The following MPHOSPH8 variants were observed in gnomAD, a reference collection of about 807,000 sequenced individuals.
The protein encoded by MPHOSPH8 is M-phase phosphoprotein 8, also known as M-phase phosphoprotein, mpp.
Under a neutral mutation model 87.3 loss-of-function variants are expected in MPHOSPH8, and 45 were observed. The observed-to-expected ratio is 0.52, with a 90% CI of 0.41 to 0.66. The LOEUF (loss-of-function observed/expected upper bound fraction) is 0.66, where lower values mean the gene tolerates loss of function less well. Ranked by LOEUF, MPHOSPH8 falls within the 30% of genes least tolerant of loss-of-function variation. The pLI, the probability that MPHOSPH8 is intolerant of heterozygous loss-of-function variation, is 0.00. For synonymous variants in MPHOSPH8, 366 were observed against 376.9 expected (o/e 0.97, Z 0.33); for missense variants, 883 against 1,020.2 (o/e 0.87, Z 1.83).
chr13:19,642,579 C>T (rs1184060434), intron 2 of MPHOSPH8, among the ~76,000 whole-genome samples: 1 of 151,824 alleles, frequency 6.6e-6, no homozygotes, highest in Non-Finnish European at 1.5e-5. Context: ...TTTGTTCGTC[C>T]GTGACATGAG....
chr13:19,668,488 T>TTCAACAGATTTC lies in MPHOSPH8; in HGVS notation c.2287_2298dup (p.Ser763_Phe766dup). ...ATCGACTCTGTGAGGGTCCAGATTT[T>TTCAACAGATTTC]TCAACAGATTTCAATTACAAACCCC... is the stretch of plus-strand genomic sequence containing the variant. On this transcript the variant is annotated inframe_insertion, in exon 11 of 14. Transcript: ENST00000361479. 6.2e-7 allele frequency: 1 copy of TTCAACAGATTTC among 1,614,168 alleles called. No homozygotes were observed. Among genetic ancestry groups the TTCAACAGATTTC allele is most frequent in the African/African-American group, 1.3e-5 (1 of 75,028 alleles).
Position 19,650,061 on chromosome 13 carries a change from T to C in MPHOSPH8, c.1377T>C (p.Asn459=), listed in dbSNP as rs1458194402. Residue 459 remains asparagine, a synonymous_variant, in exon 5 of 14, where the codon AAT becomes AAC. Coordinates refer to ENST00000361479, the MANE Select transcript of MPHOSPH8 (RefSeq NM_017520.4). Reference sequence around the variant, plus strand: ...TTAAATTAACTCCAGAAGAAAAAAATGATGTTTCTGAGAATAATCGGAAAA... The same window carrying C: ...TTAAATTAACTCCAGAAGAAAAAAACGATGTTTCTGAGAATAATCGGAAAA... ...DLFKLTPEEK[N]DVSENNRKRE... 6.2e-7 allele frequency: 1 copy of C among 1,609,364 alleles called. No individual in the cohort carries two copies. Among genetic ancestry groups the C allele is most frequent in the Non-Finnish European group, 8.5e-7 (1 of 1,178,110 alleles).
chr13:19,642,518 A>C (rs1209658256), intron 2 of MPHOSPH8, among the ~76,000 whole-genome samples: 2 of 152,154 alleles, frequency 1.3e-5, no homozygotes, highest in Non-Finnish European at 2.9e-5. Context: ...ATTTTCCTTT[A>C]AGTTAAGAGT....
At chr13:19,635,380 T>G (rs1380786981) in intron 1 of MPHOSPH8, among the ~76,000 whole-genome samples, 4 of 151,972 alleles carry the variant, frequency 2.6e-5, no homozygotes, top group African/African-American at 9.7e-5. Context: ...ATACAAAAAT[T>G]AGCTGGGCGA....
chr13:19,634,704 AC>A (rs1336711455), intron 1 of MPHOSPH8, among the ~76,000 whole-genome samples: 3 of 151,896 alleles, frequency 2.0e-5, no homozygotes, highest in Non-Finnish European at 4.4e-5. Context: ...TTTTGTATTG[AC>A]CTCTATGAAG....
At chr13:19,634,529 C>G (rs1873885381) in intron 1 of MPHOSPH8, among the ~76,000 whole-genome samples, 1 of 152,140 alleles carries the variant, frequency 6.6e-6, no homozygotes, top group Non-Finnish European at 1.5e-5. Context: ...TCACACCATG[C>G]CTTGGTGTTT....
chr13:19,672,944 T>C lies in MPHOSPH8; in HGVS notation c.*1069T>C, dbSNP rs1876218624. 1 of 381,444 alleles carries C rather than the reference T, an allele frequency of 2.6e-6. No homozygotes were observed. The highest frequency in any genetic ancestry group is 3.5e-5 in the Admixed American group (1 of 28,690). The allele number at this position is 381,444 out of a possible 1,614,324, so 23.6% of individuals were successfully genotyped here. On this transcript the variant is annotated 3_prime_UTR_variant, in exon 14 of 14. Coordinates refer to ENST00000361479, the MANE Select transcript of MPHOSPH8 (RefSeq NM_017520.4). ...GGTGGAACAAGCCTGTAGTCCCAGA[T>C]ACTCAGGAGGCTGAGGTGAAAGGAT... is the stretch of plus-strand genomic sequence containing the variant.
chr13:19,653,743 C>A (rs1174013211), intron 5 of MPHOSPH8, among the ~76,000 whole-genome samples: 5 of 152,058 alleles, frequency 3.3e-5, no homozygotes, highest in African/African-American at 1.2e-4. Context: ...AAACACAGCA[C>A]GAGAACTTCA....
At chr13:19,642,342 G>A (rs1464020012) in intron 2 of MPHOSPH8, 72 bp downstream of exon 2, 2 of 1,243,522 alleles carry the variant, frequency 1.6e-6, no homozygotes, top group African/African-American at 3.2e-5. Context: ...CAAAGTATGT[G>A]TAGTAAATGA....
intron 3 of MPHOSPH8, 47 bp from the exon 4 acceptor site, chr13:19,648,375 T>G (rs1215249725): frequency 8.1e-7 from 1 of 1,235,488 alleles, no homozygotes; most frequent in Non-Finnish European, 1.1e-6. Context: ...AAATTTACAG[T>G]GTCAACTCTT....
At chr13:19,652,677 A>T (rs1874925528) in intron 5 of MPHOSPH8, among the ~76,000 whole-genome samples, 1 of 152,124 alleles carries the variant, frequency 6.6e-6, no homozygotes, top group Non-Finnish European at 1.5e-5. Flanking sequence ...GCTAAGATCC[A>T]CTGGCTTGAA....
intron 4 of MPHOSPH8, 54 bp from the exon 5 acceptor site, chr13:19,649,949 T>C (rs1040844277): frequency 7.2e-6 from 10 of 1,382,670 alleles, no homozygotes; most frequent in Middle Eastern, 2.6e-4. Flanking sequence ...TTCTTTTGAA[T>C]GTAACAGAAA....
chr13:19,661,761 C>T lies in MPHOSPH8; in HGVS notation c.1855C>T (p.Leu619Phe), dbSNP rs771618695. ...CGGAGGGCAGGACGACCTCCTGCGA[C>T]TCCTCATCACAAAAGGCGCGAAAGT... ...AAGGQDDLLR[L>F]LITKGAKVNG... is the part of the protein sequence containing the mutation. The change falls in exon 8 of 14, where the codon CTC (leucine) becomes TTC (phenylalanine). Residue 619 changes from leucine (L) to phenylalanine (F), a missense_variant. By Grantham distance (22) the Leu-to-Phe change is conservative. This residue lies in a region of MPHOSPH8 where 741 missense variants were observed against 841.5 expected (regional missense o/e 0.88). Transcript: ENST00000361479. 6.2e-7 allele frequency: 1 copy of T among 1,613,052 alleles called. No individual in the cohort carries two copies. The highest frequency in any genetic ancestry group is 1.1e-5 in the South Asian group (1 of 90,860).
chr13:19,670,378 A>G lies in MPHOSPH8; in HGVS notation c.2457+15A>G, dbSNP rs1204033673. The stretch of plus-strand genomic sequence containing the variant: ...CTGTTTTTCTGGTAAGATACTCTGT[A>G]TTTCACTACTGAAAAGTACATTCTT... On this transcript the variant is annotated intron_variant, in intron 12 of 13. Coordinates refer to ENST00000361479, the MANE Select transcript of MPHOSPH8 (RefSeq NM_017520.4). 6.2e-7 allele frequency: 1 copy of G among 1,611,564 alleles called. No homozygotes were observed.
chr13:19,663,390 T>C (rs940529858), intron 9 of MPHOSPH8, among the ~76,000 whole-genome samples: 1 of 152,152 alleles, frequency 6.6e-6, no homozygotes, highest in African/African-American at 2.4e-5. Context: ...CTGGGGACCC[T>C]GACAATCCTT....
intron 11 of MPHOSPH8, among the ~76,000 whole-genome samples, chr13:19,669,408 G>A (rs1875994473): frequency 6.6e-6 from 1 of 152,000 alleles, no homozygotes; most frequent in Non-Finnish European, 1.5e-5. Context: ...GAGTACCAGA[G>A]AACGATGCCC....
intron 5 of MPHOSPH8, 129 bp downstream of exon 5, chr13:19,650,389 GAATA>G (rs1216235319): frequency 3.7e-6 from 4 of 1,072,582 alleles, no homozygotes; most frequent in Non-Finnish European, 5.3e-6. Flanking sequence ...TGGATCTCCT[GAATA>G]AATAACATTT....
At chr13:19,638,485 C>T (rs914841946) in intron 1 of MPHOSPH8, among the ~76,000 whole-genome samples, 3 of 151,228 alleles carry the variant, frequency 2.0e-5, no homozygotes, top group Non-Finnish European at 4.4e-5. Flanking sequence ...TGGTGGTGTG[C>T]GCCTGTAGTC....
At position 19,666,455 on chromosome 13, in the gene MPHOSPH8, C is replaced by T. The variant is rs1208163796; in HGVS notation, c.2050C>T (p.Arg684Ter). Residue 684 changes from arginine to a stop codon, truncating the protein, a stop_gained, in exon 10 of 14, where the codon CGA (arginine) becomes TGA (stop). Transcript: ENST00000361479. LOFTEE classifies it high-confidence loss of function. The part of the protein sequence containing the change: ...ACKRGNSDIV[R>*]LVIECGADCN... ...TAAAAGAGGAAATTCAGACATCGTA[C>T]GACTCGTAATTGAATGTGGAGCTGA... The T allele has an allele frequency of 3.1e-6, 5 of 1,610,032 alleles. No individual in the cohort carries two copies. Among genetic ancestry groups the T allele is most frequent in the Non-Finnish European group, 4.2e-6 (5 of 1,176,700 alleles).
Sources: allele counts gnomAD v4.1 joint callset (sites outside exome capture counted in the v4.1 genomes callset), GRCh38; gene constraint gnomAD v4.1.1; regional missense constraint gnomAD v4.1.1; transcripts MANE v1.5; gene names NCBI Gene and HGNC (gene_info 2026-07-23, HGNC 2026-07-21).